The following RFTN2 variants were observed in gnomAD, a reference collection of about 807,000 sequenced individuals.
RFTN2 encodes raftlin-2.
In RFTN2, 34 loss-of-function variants were observed where a neutral mutation model predicts 52.7. The observed-to-expected ratio is 0.64, with a 90% CI of 0.49 to 0.86. The LOEUF (loss-of-function observed/expected upper bound fraction) is 0.86, where lower values mean the gene tolerates loss of function less well. RFTN2 is among the 40% of genes least tolerant of loss of function. The pLI is 0.00. For missense variants in RFTN2, 536 were observed against 600.1 expected (o/e 0.89, Z 1.12); for synonymous variants, 203 against 217.7 (o/e 0.93, Z 0.59).
intron 1 of RFTN2, among the ~76,000 whole-genome samples, chr2:197,666,421 T>G (rs1171942070): frequency 6.6e-6 from 1 of 152,226 alleles, no homozygotes; most frequent in African/African-American, 2.4e-5. Flanking sequence ...GTAGTATCCT[T>G]GGCTGGCAGT....
chr2:197,589,471 T>A (rs941304054), intron 8 of RFTN2, among the ~76,000 whole-genome samples: 1 of 152,146 alleles, frequency 6.6e-6, no homozygotes, highest in Admixed American at 6.5e-5. Context: ...CCACTTTGCA[T>A]CCCCAGCAGC....
chr2:197,643,661 T>C (rs1417091558), intron 3 of RFTN2, among the ~76,000 whole-genome samples: 1 of 152,196 alleles, frequency 6.6e-6, no homozygotes, highest in African/African-American at 2.4e-5. Context: ...ATAGGACATG[T>C]CTGTTGCAGA....
intron 3 of RFTN2, among the ~76,000 whole-genome samples, chr2:197,640,204 C>T (rs2088640199): frequency 6.6e-6 from 1 of 152,208 alleles, no homozygotes; most frequent in African/African-American, 2.4e-5. Context: ...CTGTGCCCTG[C>T]CCCCAGAGGT....
At chr2:197,576,651 GT>G (rs1559335572) in intron 8 of RFTN2, among the ~76,000 whole-genome samples, 1 of 152,084 alleles carries the variant, frequency 6.6e-6, no homozygotes, top group African/African-American at 2.4e-5. Flanking sequence ...TTTTCTACTG[GT>G]TTTTACAGCA....
intron 5 of RFTN2, 77 bp downstream of exon 5, chr2:197,630,934 G>C (rs575141202): frequency 1.1e-6 from 1 of 931,038 alleles, no homozygotes; most frequent in African/African-American, 1.7e-5. Flanking sequence ...TAGAACTTGA[G>C]AGGTAAAAAC....
intron 5 of RFTN2, among the ~76,000 whole-genome samples, chr2:197,622,743 A>G (rs2088289180): frequency 6.6e-6 from 1 of 152,224 alleles, no homozygotes; most frequent in Admixed American, 6.5e-5. Context: ...GTTAGGGACT[A>G]ATGCAGCTGG....
At chr2:197,652,077 C>A (rs536237810) in intron 1 of RFTN2, among the ~76,000 whole-genome samples, 2 of 152,126 alleles carry the variant, frequency 1.3e-5, no homozygotes, top group African/African-American at 4.8e-5. Flanking sequence ...TCTTGGAAAT[C>A]CTCTTGGTAT....
chr2:197,644,290 T>G lies in RFTN2; in HGVS notation c.324-18A>C. On this transcript the variant is annotated intron_variant, in intron 2 of 8. Coordinates refer to ENST00000295049, the MANE Select transcript of RFTN2 (RefSeq NM_144629.3). ...TCTTTGGGCTGTAACAGAGGGAATATGTTTATGGTTGGAGGCCAATTGCTG... is the reference window on the plus strand; with the variant it reads ...TCTTTGGGCTGTAACAGAGGGAATAGGTTTATGGTTGGAGGCCAATTGCTG... 1.4e-6 allele frequency: 2 copies of G among 1,414,892 alleles called. No individual in the cohort carries two copies. Among genetic ancestry groups the G allele is most frequent in the South Asian group, 1.2e-5 (1 of 86,440 alleles). The allele number at this position is 1,414,892 out of a possible 1,614,324, so 87.6% of individuals were successfully genotyped here.
chr2:197,640,217 A>T (rs1480496293), intron 3 of RFTN2, among the ~76,000 whole-genome samples: 1 of 152,194 alleles, frequency 6.6e-6, no homozygotes, highest in African/African-American at 2.4e-5. Flanking sequence ...CCAGAGGTGG[A>T]GCCTACAGAG....
intron 3 of RFTN2, among the ~76,000 whole-genome samples, chr2:197,638,817 G>T (rs2088612058): frequency 7.2e-6 from 1 of 138,118 alleles, no homozygotes; most frequent in South Asian, 2.5e-4. Flanking sequence ...GTTAGTTGAT[G>T]CAGTTTCTTC....
chr2:197,617,101 T>G (rs1249453684), intron 6 of RFTN2, among the ~76,000 whole-genome samples: 1 of 152,204 alleles, frequency 6.6e-6, no homozygotes, highest in African/African-American at 2.4e-5. Flanking sequence ...ATCTTTTGGA[T>G]ATTTTTGCCT....
chr2:197,575,453 A>G (rs918128874), intron 8 of RFTN2, among the ~76,000 whole-genome samples: 1 of 152,212 alleles, frequency 6.6e-6, no homozygotes, highest in Non-Finnish European at 1.5e-5. Context: ...TGCCTTACAC[A>G]GTATAAATGC....
intron 5 of RFTN2, among the ~76,000 whole-genome samples, chr2:197,624,000 T>C (rs1351136311): frequency 2.6e-5 from 4 of 152,040 alleles, no homozygotes; most frequent in African/African-American, 9.7e-5. Flanking sequence ...GGTTTCACCA[T>C]GTTGGCTAGG....
At chr2:197,664,737 A>G (rs1412696603) in intron 1 of RFTN2, among the ~76,000 whole-genome samples, 3 of 152,134 alleles carry the variant, frequency 2.0e-5, no homozygotes, top group Non-Finnish European at 4.4e-5. Context: ...GTGATCCATG[A>G]TTGTGCCACT....
chr2:197,667,378 T>A (rs186213448), intron 1 of RFTN2, among the ~76,000 whole-genome samples: 138 of 152,384 alleles, frequency 9.1e-4, no homozygotes, highest in Non-Finnish European at 1.5e-3. Flanking sequence ...CAGAATTCTC[T>A]TGTATTTCAC....
intron 7 of RFTN2, among the ~76,000 whole-genome samples, chr2:197,605,750 G>A (rs1007136920): frequency 2.0e-5 from 3 of 152,110 alleles, no homozygotes; most frequent in African/African-American, 4.8e-5. Context: ...TTATTGCAGC[G>A]TTCCAGGCAG....
intron 8 of RFTN2, among the ~76,000 whole-genome samples, chr2:197,574,170 G>A (rs945944123): frequency 1.8e-4 from 27 of 152,172 alleles, no homozygotes; most frequent in Admixed American, 6.5e-5. Flanking sequence ...CTGACAGCTT[G>A]CACTGTGCAC....
At chr2:197,631,683 C>T (rs1447827395) in intron 4 of RFTN2, among the ~76,000 whole-genome samples, 5 of 152,110 alleles carry the variant, frequency 3.3e-5, no homozygotes, top group Admixed American at 6.6e-5. Flanking sequence ...GTTCTAGTCT[C>T]CTTTTGGTGG....
chr2:197,596,274 C>A (rs1431434726), intron 7 of RFTN2, among the ~76,000 whole-genome samples: 1 of 151,758 alleles, frequency 6.6e-6, no homozygotes, highest in Admixed American at 6.6e-5. Flanking sequence ...ACAGGAAAAA[C>A]CCCTAAAAAC....
Sources: gnomAD v4.1 joint callset for allele counts (sites outside exome capture counted in the v4.1 genomes callset) on GRCh38, gnomAD v4.1.1 for gene constraint, MANE v1.5 for transcripts, NCBI Gene and HGNC (gene_info 2026-07-23, HGNC 2026-07-21) for gene names.